ANK1: variants seen among roughly 807,000 people sequenced by gnomAD.
ANK1 encodes ankyrin 1.
A neutral mutation model predicts 210.4 loss-of-function variants in ANK1; 51 were observed. That is an observed-to-expected ratio of 0.24 (90% CI 0.19 to 0.31). The LOEUF is 0.31. Among genes scored for constraint, ANK1 ranks in the 10% least tolerant of loss-of-function variants. The pLI is 1.00. For missense variants in ANK1, 2,051 were observed against 2,504.4 expected (o/e 0.82, Z 3.86); for synonymous variants, 967 against 1,025.9 (o/e 0.94, Z 1.10).
intron 2 of ANK1, among the ~76,000 whole-genome samples, chr8:41,735,370 C>G (rs542972294): frequency 6.6e-6 from 1 of 152,204 alleles, no homozygotes; most frequent in African/African-American, 2.4e-5. Flanking sequence ...TTATTTTGTT[C>G]CTGTCCTCCT....
intron 31 of ANK1, among the ~76,000 whole-genome samples, chr8:41,692,359 G>A (rs1281543180): frequency 2.6e-5 from 4 of 152,220 alleles, no homozygotes; most frequent in Non-Finnish European, 2.9e-5. Flanking sequence ...GCCCGGCATG[G>A]CCAGCACTTT....
intron 1 of ANK1, among the ~76,000 whole-genome samples, chr8:41,773,589 T>C (rs1288023975): frequency 6.6e-6 from 1 of 152,220 alleles, no homozygotes; most frequent in African/African-American, 2.4e-5. Context: ...GAAAGGGTTT[T>C]GCACACCGGG....
rs749467382 is a variant in ANK1, at chr8:41,797,554, G to A, written c.-16C>T. ...AATAGGGCATGCCGGTCTTTCAGCA[G>A]GGGCCCGCCGAAGGGCCTTGGGGGC... On this transcript the variant is annotated 5_prime_UTR_variant, in exon 1 of 43. Coordinates refer to ENST00000289734, the MANE Select transcript of ANK1 (RefSeq NM_000037.4). The surrounding 1 kb of genome is among the most constrained non-coding windows in gnomAD (Gnocchi z 4.0). The A allele has an allele frequency of 1.2e-6, 2 of 1,613,482 alleles. No individual in the cohort carries two copies. Among genetic ancestry groups the A allele is most frequent in the Admixed American group, 3.3e-5 (2 of 60,008 alleles).
At chr8:41,881,427 TTGTC>T (rs1350195290) in intron 1 of ANK1, among the ~76,000 whole-genome samples, 2 of 152,232 alleles carry the variant, frequency 1.3e-5, no homozygotes, top group African/African-American at 4.8e-5. Context: ...ATGTGTGTCT[TTGTC>T]TGTATCTGTA....
At chr8:41,790,068 AT>A (rs1847312643) in intron 1 of ANK1, among the ~76,000 whole-genome samples, 1 of 151,752 alleles carries the variant, frequency 6.6e-6, no homozygotes, top group Non-Finnish European at 1.5e-5. Context: ...TAAGTCCCAC[AT>A]CACTCACCAA....
intron 1 of ANK1, among the ~76,000 whole-genome samples, chr8:41,767,396 C>T (rs1842074081): frequency 1.3e-5 from 2 of 151,916 alleles, no homozygotes; most frequent in South Asian, 4.2e-4. Context: ...GGCGCCCGCG[C>T]TGAAATCCGA....
chr8:41,736,644 G>A (rs576805293), intron 2 of ANK1, among the ~76,000 whole-genome samples: 1 of 152,320 alleles, frequency 6.6e-6, no homozygotes, highest in African/African-American at 2.4e-5. Flanking sequence ...CAGCGCAGTC[G>A]CTCTGATGAG....
intron 1 of ANK1, among the ~76,000 whole-genome samples, chr8:41,864,300 T>C (rs1217638403): frequency 6.7e-6 from 1 of 149,806 alleles, no homozygotes; most frequent in Non-Finnish European, 1.5e-5. Context: ...CCACATCAAA[T>C]GGAAAATTAT....
At chr8:41,806,517 C>G (rs1161654550) in intron 1 of ANK1, among the ~76,000 whole-genome samples, 1 of 152,210 alleles carries the variant, frequency 6.6e-6, no homozygotes, top group Non-Finnish European at 1.5e-5. Context: ...GAGTTCAAGA[C>G]CAGCCTGGGC....
At chr8:41,839,286 T>A (rs751117599) in intron 1 of ANK1, among the ~76,000 whole-genome samples, 4 of 152,230 alleles carry the variant, frequency 2.6e-5, no homozygotes, top group Non-Finnish European at 5.9e-5. Flanking sequence ...ATGCATTAAC[T>A]AAGATGGGAC....
intron 1 of ANK1, among the ~76,000 whole-genome samples, chr8:41,836,599 G>T (rs1229453936): frequency 6.6e-6 from 1 of 152,226 alleles, no homozygotes; most frequent in Non-Finnish European, 1.5e-5. Flanking sequence ...CTCAGCCCGG[G>T]CTAAGGACCA....
At chr8:41,785,058 C>T (rs1326533299) in intron 1 of ANK1, among the ~76,000 whole-genome samples, 1 of 152,194 alleles carries the variant, frequency 6.6e-6, no homozygotes, top group Non-Finnish European at 1.5e-5. Flanking sequence ...TTCTGCCCCT[C>T]AGATGAAAGC....
At chr8:41,777,338 G>A (rs1336327571) in intron 1 of ANK1, among the ~76,000 whole-genome samples, 2 of 152,174 alleles carry the variant, frequency 1.3e-5, no homozygotes. Flanking sequence ...ACTTTGGGAG[G>A]CTGAGGCAGG....
At chr8:41,816,337 T>C (rs1803328730) in intron 1 of ANK1, among the ~76,000 whole-genome samples, 3 of 152,250 alleles carry the variant, frequency 2.0e-5, no homozygotes, top group Admixed American at 2.0e-4. Flanking sequence ...GTTGAACCCA[T>C]AGTCTTACGA....
intron 2 of ANK1, among the ~76,000 whole-genome samples, chr8:41,757,606 A>G (rs1839456491): frequency 6.6e-6 from 1 of 152,184 alleles, no homozygotes; most frequent in Non-Finnish European, 1.5e-5. Context: ...AGCACCTAAC[A>G]CAAGCGGGGC....
chr8:41,860,275 A>G (rs183482687), intron 1 of ANK1, among the ~76,000 whole-genome samples: 4 of 152,282 alleles, frequency 2.6e-5, no homozygotes, highest in Admixed American at 2.6e-4. Flanking sequence ...TGCTTGGCCC[A>G]GATGCGGCCT....
At chr8:41,801,768 T>C (rs1447198444), upstream of ANK1, among the ~76,000 whole-genome samples, 1 of 152,188 alleles carries the variant, frequency 6.6e-6, no homozygotes, top group African/African-American at 2.4e-5. Flanking sequence ...ACGAATCATT[T>C]TTCAGTTATG....
intron 1 of ANK1, among the ~76,000 whole-genome samples, chr8:41,857,848 G>C (rs1812500285): frequency 6.6e-6 from 1 of 152,076 alleles, no homozygotes; most frequent in Non-Finnish European, 1.5e-5. Flanking sequence ...AGGTTGCAGT[G>C]AGACAAGATC....
intron 23 of ANK1, among the ~76,000 whole-genome samples, 197 bp downstream of exon 23, chr8:41,699,255 C>T (rs75367459): frequency 0.036 from 5,430 of 152,156 alleles, 172 homozygotes; most frequent in African/African-American, 0.089. Context: ...CCAGGCAGCA[C>T]GGTGTGAGGG....
Sources: allele counts gnomAD v4.1 joint callset (sites outside exome capture counted in the v4.1 genomes callset), GRCh38; gene constraint gnomAD v4.1.1; non-coding constraint Gnocchi (gnomAD v3.1); transcripts MANE v1.5; gene names NCBI Gene and HGNC (gene_info 2026-07-23, HGNC 2026-07-21).